Variants in KIF26B observed in about 807,000 individuals in gnomAD.
The protein encoded by KIF26B is kinesin-like protein KIF26B.
In KIF26B, 63 loss-of-function variants were observed where a neutral mutation model predicts 151.2. The observed-to-expected ratio is 0.42, with a 90% CI of 0.34 to 0.51. The LOEUF (loss-of-function observed/expected upper bound fraction) is 0.51, where lower values mean the gene tolerates loss of function less well. Ranked by LOEUF, KIF26B falls within the 20% of genes least tolerant of loss-of-function variation. The pLI is 0.07. For missense variants in KIF26B, 2,813 were observed against 2,913.6 expected, an observed-to-expected ratio of 0.97 and a Z score of 0.79; for synonymous variants, 1,357 against 1,262.1, an observed-to-expected ratio of 1.08 and a Z score of -1.59.
intron 10 of KIF26B, among the ~76,000 whole-genome samples, chr1:245,662,750 G>GAT (rs375336685): frequency 1.7e-5 from 1 of 58,816 alleles, no homozygotes; most frequent in Non-Finnish European, 3.5e-5. Context: ...TATACCCAAT[G>GAT]ATATATATAC....
At chr1:245,307,408 A>AT (rs34512253) in intron 2 of KIF26B, among the ~76,000 whole-genome samples, 19 of 151,672 alleles carry the variant, frequency 1.3e-4, no homozygotes, top group East Asian at 1.9e-4. Context: ...GGCCCCAGAG[A>AT]TTTTTTTTTG....
chr1:245,522,012 G>C (rs1299252962), intron 4 of KIF26B, among the ~76,000 whole-genome samples: 2 of 151,698 alleles, frequency 1.3e-5, no homozygotes, highest in Non-Finnish European at 2.9e-5. Flanking sequence ...TGGGACTACA[G>C]GCACCCGCCA....
intron 4 of KIF26B, among the ~76,000 whole-genome samples, chr1:245,456,098 C>G (rs751930432): frequency 4.9e-4 from 75 of 152,094 alleles, no homozygotes; most frequent in Middle Eastern, 3.2e-3. Context: ...TTTTTTCATA[C>G]ATCTGTAGTT....
chr1:245,157,195 G>T (rs539721936), intron 2 of KIF26B, among the ~76,000 whole-genome samples: 1 of 152,356 alleles, frequency 6.6e-6, no homozygotes, highest in Admixed American at 6.5e-5. Context: ...GTCTGTGTGT[G>T]TGTCTGAGGA....
chr1:245,265,167 A>G, intron 2 of KIF26B, among the ~76,000 whole-genome samples: 1 of 147,916 alleles, frequency 6.8e-6, no homozygotes, highest in East Asian at 2.0e-4. Context: ...TTGCCACTGC[A>G]TTCCAGTCTG....
At position 245,358,962 on chromosome 1, in the gene KIF26B, T is replaced by C. The variant is rs1672756483; in HGVS notation, c.466-7872T>C. On this transcript the variant is annotated intron_variant, in intron 2 of 14. Coordinates refer to ENST00000407071, the MANE Select transcript of KIF26B (RefSeq NM_018012.4). This position sits in a 1 kb window ranked among gnomAD's most constrained non-coding sequence, Gnocchi z 4.1. Reference sequence around the variant, plus strand: ...CCTATTTCCCAACAGCCAAGGGATATACTGGAGAACAAGATTTTCAGGGTT... The same window carrying C: ...CCTATTTCCCAACAGCCAAGGGATACACTGGAGAACAAGATTTTCAGGGTT... Among the ~76,000 whole-genome samples, 1 of 152,182 alleles carries C rather than the reference T, an allele frequency of 6.6e-6. No homozygotes were observed. Among genetic ancestry groups the C allele is most frequent in the African/African-American group, 2.4e-5 (1 of 41,440 alleles).
chr1:245,643,215 A>G (rs1319705972), intron 9 of KIF26B, among the ~76,000 whole-genome samples: 2 of 152,166 alleles, frequency 1.3e-5, no homozygotes, highest in Non-Finnish European at 2.9e-5. Flanking sequence ...TCAATTTCAT[A>G]TGATTATTGA....
chr1:245,460,319 C>T (rs1001183657), intron 4 of KIF26B, among the ~76,000 whole-genome samples: 2 of 152,140 alleles, frequency 1.3e-5, no homozygotes, highest in Non-Finnish European at 1.5e-5. Flanking sequence ...AGAATTAGCA[C>T]ATCTTCTCTT....
intron 5 of KIF26B, among the ~76,000 whole-genome samples, chr1:245,551,405 C>T (rs1387100160): frequency 6.6e-6 from 1 of 152,096 alleles, no homozygotes; most frequent in Non-Finnish European, 1.5e-5. Context: ...CAGTGAAGGA[C>T]AATGTTTTGA....
intron 2 of KIF26B, among the ~76,000 whole-genome samples, chr1:245,351,901 A>G (rs1410709217): frequency 2.6e-5 from 4 of 152,232 alleles, no homozygotes; most frequent in Non-Finnish European, 4.4e-5. Context: ...TAGACACTTA[A>G]TAAGTGTTTT....
intron 2 of KIF26B, among the ~76,000 whole-genome samples, chr1:245,157,843 T>A (rs1668472062): frequency 1.3e-5 from 2 of 152,262 alleles, no homozygotes; most frequent in South Asian, 4.1e-4. Flanking sequence ...ACCTTCCGAT[T>A]TAACACCGTT....
chr1:245,158,937 A>G (rs142459687), intron 2 of KIF26B, among the ~76,000 whole-genome samples: 1 of 152,102 alleles, frequency 6.6e-6, no homozygotes, highest in Non-Finnish European at 1.5e-5. Flanking sequence ...AGCATTTGCA[A>G]CCTTATAGCC....
At chr1:245,277,185 G>C (rs941972076) in intron 2 of KIF26B, among the ~76,000 whole-genome samples, 2 of 152,192 alleles carry the variant, frequency 1.3e-5, no homozygotes, top group African/African-American at 4.8e-5. Context: ...TTGGCCTCTA[G>C]AAGTATGAGA....
intron 4 of KIF26B, among the ~76,000 whole-genome samples, chr1:245,423,992 C>G (rs1385856464): frequency 2.0e-5 from 3 of 151,892 alleles, no homozygotes; most frequent in Non-Finnish European, 2.9e-5. Context: ...GAATGCACCA[C>G]TGTGCCCAGC....
At chr1:245,217,332 T>G (rs1389493399) in intron 2 of KIF26B, among the ~76,000 whole-genome samples, 1 of 152,026 alleles carries the variant, frequency 6.6e-6, no homozygotes, top group African/African-American at 2.4e-5. Flanking sequence ...ACTCTCACTC[T>G]CTTTTCTGGT....
At position 245,687,507 on chromosome 1, in the gene KIF26B, G is replaced by C. The variant is rs1198922258; in HGVS notation, c.4524G>C (p.Arg1508Ser). ...CCCCGGTCACTGACAACTTCAGGAGGGTCGTGGATGGGTGTGAGATGGCCC... is the reference window on the plus strand; with the variant it reads ...CCCCGGTCACTGACAACTTCAGGAGCGTCGTGGATGGGTGTGAGATGGCCC... ...SASPVTDNFRRVVDGCEMALP... is the reference protein window; with the variant it reads ...SASPVTDNFRSVVDGCEMALP... Residue 1508 changes from arginine to serine, a missense_variant, in exon 12 of 15, where the codon AGG becomes AGC. Around this residue, in one of 3 missense-constraint regions of KIF26B, gnomAD observed 2,060 missense variants for 2,088.6 expected, o/e 0.99. Transcript: ENST00000407071. This position sits in a 1 kb window ranked among gnomAD's most constrained non-coding sequence, Gnocchi z 4.9. The C allele has an allele frequency of 1.3e-6, 2 of 1,577,160 alleles. No individual in the cohort carries two copies. The highest frequency in any genetic ancestry group is 2.3e-5 in the South Asian group (2 of 85,662).
intron 8 of KIF26B, among the ~76,000 whole-genome samples, chr1:245,611,082 C>A (rs1482770078): frequency 6.6e-6 from 1 of 152,162 alleles, no homozygotes; most frequent in Non-Finnish European, 1.5e-5. Context: ...AAGATTCAGA[C>A]GCATTACCCT....
intron 3 of KIF26B, among the ~76,000 whole-genome samples, chr1:245,380,955 G>GGAAAA (rs1431076495): frequency 1.3e-5 from 1 of 77,932 alleles, no homozygotes. Context: ...CCAAAAAGAT[G>GGAAAA]AAAAAAAAAA....
chr1:245,176,180 G>A (rs916900120), intron 2 of KIF26B, among the ~76,000 whole-genome samples: 3 of 151,862 alleles, frequency 2.0e-5, no homozygotes, highest in African/African-American at 7.3e-5. Flanking sequence ...TGTATTTTTA[G>A]TAGAGACGGG....
Sources: gnomAD v4.1 joint callset for allele counts (sites outside exome capture counted in the v4.1 genomes callset) on GRCh38, gnomAD v4.1.1 for gene constraint, gnomAD v4.1.1 regional missense constraint, Gnocchi (gnomAD v3.1) non-coding constraint, MANE v1.5 for transcripts, NCBI Gene and HGNC (gene_info 2026-07-23, HGNC 2026-07-21) for gene names.